Variants in CFAP61 observed in about 807,000 individuals in gnomAD.
CFAP61 encodes the protein cilia- and flagella-associated protein 61.
CFAP61 carries 107 observed loss-of-function variants against 135.6 expected under a neutral mutation model. The observed-to-expected ratio is 0.79, with a 90% CI of 0.67 to 0.93. The LOEUF is 0.93. Ranked by LOEUF, CFAP61 falls within the 40% of genes least tolerant of loss-of-function variation. The pLI is 0.00. For synonymous variants in CFAP61, 575 were observed against 578.5 expected (o/e 0.99, Z 0.09); for missense variants, 1,507 against 1,556.2 (o/e 0.97, Z 0.53).
intron 13 of CFAP61, chr20:20,171,889 C>T: frequency 1.6e-6 from 1 of 640,400 alleles, no homozygotes; most frequent in South Asian, 1.9e-5. Flanking sequence ...TCCTTGTGCT[C>T]AGAGCTAGCT....
chr20:20,309,044 C>T (rs1363760435), intron 25 of CFAP61, among the ~76,000 whole-genome samples: 1 of 152,102 alleles, frequency 6.6e-6, no homozygotes, highest in Non-Finnish European at 1.5e-5. Flanking sequence ...TCTACTGAGC[C>T]ACGAGAAGGA....
At chr20:20,234,050 A>C (rs1415161217) in intron 18 of CFAP61, among the ~76,000 whole-genome samples, 1 of 152,216 alleles carries the variant, frequency 6.6e-6, no homozygotes, top group Non-Finnish European at 1.5e-5. Flanking sequence ...TTTTCAAATA[A>C]TGACATTGGT....
chr20:20,080,766 G>A (rs561851496), intron 6 of CFAP61, among the ~76,000 whole-genome samples: 2 of 152,300 alleles, frequency 1.3e-5, no homozygotes, highest in East Asian at 3.9e-4. Context: ...CACTTTGGGA[G>A]GCTGAGGCAG....
chr20:20,268,747 A>G (rs1482362447), intron 21 of CFAP61, among the ~76,000 whole-genome samples: 2 of 152,144 alleles, frequency 1.3e-5, no homozygotes, highest in Non-Finnish European at 2.9e-5. Flanking sequence ...ACATTATAAC[A>G]ATTTATGGCA....
chr20:20,214,073 A>G (rs919167372), intron 17 of CFAP61, among the ~76,000 whole-genome samples: 2 of 152,196 alleles, frequency 1.3e-5, no homozygotes, highest in African/African-American at 4.8e-5. Flanking sequence ...CAGAAGATGT[A>G]AGGTAGCAGC....
chr20:20,194,886 TTTG>T (rs1192054074), intron 15 of CFAP61, among the ~76,000 whole-genome samples: 13 of 152,156 alleles, frequency 8.5e-5, no homozygotes, highest in Non-Finnish European at 1.8e-4. Context: ...AAAAATAATT[TTTG>T]TTGTTGTTAT....
chr20:20,075,497 C>G lies in CFAP61; in HGVS notation c.448C>G (p.Leu150Val). The change falls in exon 6 of 27, where the codon CTC (leucine) becomes GTC (valine). Residue 150 changes from leucine to valine, a missense_variant. Coordinates refer to ENST00000245957, the MANE Select transcript of CFAP61 (RefSeq NM_015585.4). The part of the protein sequence containing the change: ...VPSYMSLGST[L>V]ITVFDQVGNI... ...TTATCTCTGTGATTTAGGCTCAACT[C>G]TCATAACTGTTTTTGACCAAGTGGG... 1 of 1,614,032 alleles carries G rather than the reference C, an allele frequency of 6.2e-7. No individual in the cohort carries two copies. Among genetic ancestry groups the G allele is most frequent in the Non-Finnish European group, 8.5e-7 (1 of 1,179,910 alleles).
At chr20:20,336,298 G>A (rs1402229721) in intron 25 of CFAP61, among the ~76,000 whole-genome samples, 1 of 152,190 alleles carries the variant, frequency 6.6e-6, no homozygotes, top group Non-Finnish European at 1.5e-5. Flanking sequence ...CATTACTTAG[G>A]ACAAGACAAA....
intron 6 of CFAP61, among the ~76,000 whole-genome samples, chr20:20,078,329 C>T (rs189954659): frequency 6.9e-4 from 105 of 152,106 alleles, no homozygotes; most frequent in Admixed American, 2.2e-3. Context: ...TTTTTGGTTA[C>T]GTGGTAGGGA....
chr20:20,313,330 A>C (rs1456144343), intron 25 of CFAP61, among the ~76,000 whole-genome samples: 2 of 152,158 alleles, frequency 1.3e-5, no homozygotes, highest in Non-Finnish European at 2.9e-5. Flanking sequence ...TGAGAAATAC[A>C]TTTCTGTTGT....
At chr20:20,329,302 G>A (rs2057890542) in intron 25 of CFAP61, among the ~76,000 whole-genome samples, 1 of 152,042 alleles carries the variant, frequency 6.6e-6, no homozygotes, top group African/African-American at 2.4e-5. Flanking sequence ...ACTTCTGCAG[G>A]CACTTCTGTC....
intron 15 of CFAP61, among the ~76,000 whole-genome samples, chr20:20,193,912 C>CCTCATT (rs1432984228): frequency 2.6e-5 from 4 of 152,160 alleles, no homozygotes; most frequent in Non-Finnish European, 4.4e-5. Context: ...CCTGCGCCAG[C>CCTCATT]CTCATTCTAA....
chr20:20,341,811 G>T lies in CFAP61; in HGVS notation c.3423-20G>T. The T allele has an allele frequency of 3.1e-6, 5 of 1,590,928 alleles. No individual in the cohort carries two copies. The highest frequency in any genetic ancestry group is 2.6e-6 in the Non-Finnish European group (3 of 1,160,904). ...AATGAGAGGGTTGCCAGCTCACTGA[G>T]TCTCTTCTTTCCTTACCAGCTACTT... On this transcript the variant is annotated intron_variant, in intron 25 of 26. Coordinates refer to ENST00000245957, the MANE Select transcript of CFAP61 (RefSeq NM_015585.4).
intron 6 of CFAP61, among the ~76,000 whole-genome samples, chr20:20,089,286 TTGC>T (rs1277547521): frequency 6.6e-6 from 1 of 152,084 alleles, no homozygotes; most frequent in African/African-American, 2.4e-5. Flanking sequence ...CCCATGGGCC[TTGC>T]TCTCCTCCCT....
chr20:20,220,578 G>A (rs1195657954), intron 17 of CFAP61, among the ~76,000 whole-genome samples: 3 of 152,128 alleles, frequency 2.0e-5, no homozygotes, highest in Admixed American at 6.5e-5. Context: ...GTGTCAGAAT[G>A]GAATTGAATC....
rs1201408581 is a variant in CFAP61, at chr20:20,157,659, A to G, written c.952-1711A>G. On this transcript the variant is annotated intron_variant, in intron 9 of 26. Transcript: ENST00000245957. ...TTGAATGTAGAATTCAAACCAATAT[A>G]ACCTCTAGAGAAAACATAACATAGG... 2.0e-5 allele frequency among the ~76,000 whole-genome samples: 3 copies of G among 152,212 alleles called. No individual in the cohort carries two copies. The East Asian group carries it at 5.8e-4, about 29-fold the overall frequency.
chr20:20,311,792 G>T (rs1009357415), intron 25 of CFAP61, among the ~76,000 whole-genome samples: 1 of 152,156 alleles, frequency 6.6e-6, no homozygotes, highest in African/African-American at 2.4e-5. Flanking sequence ...CAAGACAGGG[G>T]AAAGAACCAC....
At chr20:20,193,292 T>C (rs939483149) in intron 15 of CFAP61, among the ~76,000 whole-genome samples, 1 of 152,156 alleles carries the variant, frequency 6.6e-6, no homozygotes, top group African/African-American at 2.4e-5. Context: ...CTGATAGATA[T>C]CCCTTATCAA....
chr20:20,065,652 GT>G (rs1427294833), intron 2 of CFAP61, among the ~76,000 whole-genome samples: 25 of 149,160 alleles, frequency 1.7e-4, no homozygotes, highest in Middle Eastern at 3.3e-3. Context: ...TGTGGTCTGT[GT>G]GTTTGGTTTT....
Sources: allele counts gnomAD v4.1 joint callset (sites outside exome capture counted in the v4.1 genomes callset), GRCh38; gene constraint gnomAD v4.1.1; transcripts MANE v1.5; gene names NCBI Gene and HGNC (gene_info 2026-07-23, HGNC 2026-07-21).